The following LAMB4 variants were observed in gnomAD, a reference collection of about 807,000 sequenced individuals.
The protein encoded by LAMB4 is laminin subunit beta 4, also known as laminin subunit beta-4.
A neutral mutation model predicts 199.2 loss-of-function variants in LAMB4; 196 were observed. The observed-to-expected ratio is 0.98, with a 90% CI of 0.88 to 1.11. The LOEUF is 1.11. Among genes scored for constraint, LAMB4 ranks in the 50% least tolerant of loss-of-function variants. The probability of loss-of-function intolerance (pLI) is 0.00; values close to 1 mark genes in which losing one functional copy is unlikely to be tolerated. For missense variants in LAMB4, 2,080 were observed against 2,171.2 expected (o/e 0.96, Z 0.83); for synonymous variants, 744 against 770.6 (o/e 0.97, Z 0.57).
intron 17 of LAMB4, among the ~76,000 whole-genome samples, chr7:108,070,961 T>C (rs1044109079): frequency 2.0e-5 from 3 of 152,174 alleles, no homozygotes; most frequent in Admixed American, 2.0e-4. Flanking sequence ...AATTCCAGGC[T>C]CTCGAGTCTT....
chr7:108,091,439 A>G (rs541338249), intron 14 of LAMB4, among the ~76,000 whole-genome samples, 187 bp downstream of exon 14: 1 of 152,248 alleles, frequency 6.6e-6, no homozygotes. Context: ...AAGATGAACT[A>G]AACAGAGACT....
intron 6 of LAMB4, among the ~76,000 whole-genome samples, chr7:108,106,782 G>A (rs962164204): frequency 2.0e-5 from 3 of 151,918 alleles, no homozygotes; most frequent in Non-Finnish European, 4.4e-5. Flanking sequence ...GCCCAGGCTG[G>A]TCTCGAACTC....
At chr7:108,077,108 C>T (rs757634738) in intron 16 of LAMB4, 44 bp from the exon 17 acceptor site, 3 of 1,598,254 alleles carry the variant, frequency 1.9e-6, no homozygotes, top group East Asian at 4.5e-5. Context: ...CACAGAAATA[C>T]AATTATATTA....
At chr7:108,080,759 G>C (rs2036898984) in intron 14 of LAMB4, among the ~76,000 whole-genome samples, 1 of 151,990 alleles carries the variant, frequency 6.6e-6, no homozygotes, top group East Asian at 1.9e-4. Flanking sequence ...CTGTCAGATT[G>C]GGTTTTAATA....
In LAMB4 at chr7:108,095,429, C is replaced by T. The variant is rs113460257; in HGVS notation, c.1361-92G>A. 4.2e-5 allele frequency: 38 copies of T among 907,398 alleles called. 1 individual carries two copies. The highest frequency in any genetic ancestry group is 4.1e-4 in the South Asian group (28 of 67,772). 56.2% of individuals were successfully genotyped at this position (907,398 alleles called of 1,614,324 possible). ...GCTCACACAAAGCAAGAAGCATAAC[C>T]GCAAGAACACAGAGAAGCCTGCCCT... On this transcript the variant is annotated intron_variant, in intron 11 of 33. Coordinates refer to ENST00000388781, the MANE Select transcript of LAMB4 (RefSeq NM_007356.3).
At chr7:108,049,713 T>C (rs1373349132) in intron 26 of LAMB4, among the ~76,000 whole-genome samples, 182 bp from the exon 27 acceptor site, 3 of 152,176 alleles carry the variant, frequency 2.0e-5, no homozygotes, top group Non-Finnish European at 4.4e-5. Context: ...GTATAATAAA[T>C]ATGGATAGAA....
intron 4 of LAMB4, among the ~76,000 whole-genome samples, chr7:108,110,365 A>C (rs1043452779): frequency 3.5e-4 from 53 of 152,190 alleles, no homozygotes; most frequent in Non-Finnish European, 6.3e-4. Flanking sequence ...ATTTTCTCCC[A>C]AAACTATGTC....
intron 1 of LAMB4, among the ~76,000 whole-genome samples, chr7:108,127,115 T>C (rs940462943): frequency 6.6e-6 from 1 of 151,828 alleles, no homozygotes; most frequent in Non-Finnish European, 1.5e-5. Context: ...TGGATTCCCT[T>C]CTAAGAGAAG....
chr7:108,084,921 T>C (rs1004232477), intron 14 of LAMB4, among the ~76,000 whole-genome samples: 1 of 151,912 alleles, frequency 6.6e-6, no homozygotes, highest in Non-Finnish European at 1.5e-5. Flanking sequence ...TTTTTTATTT[T>C]TTTTGCAGAG....
chr7:108,024,850 G>A (rs1432849323), intron 33 of LAMB4, among the ~76,000 whole-genome samples: 2 of 152,190 alleles, frequency 1.3e-5, no homozygotes, highest in Non-Finnish European at 2.9e-5. Context: ...GACTATATAA[G>A]TGGATACAAG....
At chr7:108,099,246 G>A (rs2037735769) in intron 10 of LAMB4, among the ~76,000 whole-genome samples, 1 of 152,202 alleles carries the variant, frequency 6.6e-6, no homozygotes, top group South Asian at 2.1e-4. Flanking sequence ...TGATGGAAGA[G>A]ATTCTGGAAA....
intron 1 of LAMB4, among the ~76,000 whole-genome samples, chr7:108,124,464 A>C (rs1272552575): frequency 1.3e-5 from 2 of 152,150 alleles, no homozygotes; most frequent in African/African-American, 4.8e-5. Context: ...TAAAGATTGT[A>C]TATATATACA....
In LAMB4 at chr7:108,098,574, A is replaced by T. The variant is rs372265884; in HGVS notation, c.1189T>A (p.Cys397Ser). 26 of 1,597,538 alleles carry T rather than the reference A, an allele frequency of 1.6e-5. No individual in the cohort carries two copies. In the African/African-American group the frequency reaches 3.2e-4, roughly 20 times the overall value. ...CCAGATATGGTCCCATCGGGGTCAC[A>T]TTCACAAGCTGGGGACACAGACATT... ...SDPYACIPCE[C>S]DPDGTISGGI... Residue 397 changes from cysteine (C) to serine (S), a missense_variant, in exon 11 of 34, where the codon TGT becomes AGT. Cys to Ser is a moderately radical substitution (Grantham distance 112). Transcript: ENST00000388781.
In LAMB4 at chr7:108,028,567, C is replaced by T. The variant is rs532649954; in HGVS notation, c.5146+476G>A. 1.0e-4 allele frequency among the ~76,000 whole-genome samples: 15 copies of T among 149,882 alleles called. No individual in the cohort carries two copies. In the East Asian group the frequency reaches 2.6e-3, roughly 26 times the overall value. Reference sequence around the variant, plus strand: ...TCTTGGCTCACTGCAACCTCTGCCTCCCAGGTTCAGGCAATTCTCCTGCCT... The same window carrying T: ...TCTTGGCTCACTGCAACCTCTGCCTTCCAGGTTCAGGCAATTCTCCTGCCT... On this transcript the variant is annotated intron_variant, in intron 33 of 33. Transcript: ENST00000388781.
intron 14 of LAMB4, among the ~76,000 whole-genome samples, chr7:108,084,983 C>T (rs1177962758): frequency 2.6e-5 from 4 of 151,890 alleles, no homozygotes; most frequent in African/African-American, 9.7e-5. Flanking sequence ...AAGTAATCCT[C>T]CCATCTCAGC....
chr7:108,065,937 T>C lies in LAMB4; in HGVS notation c.2679-18A>G, dbSNP rs751076108. 6.2e-7 allele frequency: 1 copy of C among 1,607,428 alleles called. No homozygotes were observed. Among genetic ancestry groups the C allele is most frequent in the South Asian group, 1.1e-5 (1 of 89,872 alleles). On this transcript the variant is annotated intron_variant, in intron 20 of 33. Transcript: ENST00000388781. ...CAATACACCTGTCAAGACAATTTCCTTTCACCAAAATGTTTCCAGGAAAAG... is the reference window on the plus strand; with the variant it reads ...CAATACACCTGTCAAGACAATTTCCCTTCACCAAAATGTTTCCAGGAAAAG...
intron 4 of LAMB4, 137 bp downstream of exon 4, chr7:108,111,674 G>A: frequency 1.5e-6 from 1 of 665,714 alleles, no homozygotes; most frequent in Non-Finnish European, 2.5e-6. Context: ...TTCTTATATG[G>A]GTCTCTACAT....
intron 14 of LAMB4, among the ~76,000 whole-genome samples, chr7:108,081,502 G>A (rs1303776111): frequency 6.6e-6 from 1 of 152,166 alleles, no homozygotes; most frequent in Non-Finnish European, 1.5e-5. Context: ...GAGTATTCCT[G>A]AAGAACATTT....
intron 1 of LAMB4, among the ~76,000 whole-genome samples, chr7:108,128,424 C>T (rs1382839523): frequency 6.6e-6 from 1 of 152,132 alleles, no homozygotes; most frequent in Non-Finnish European, 1.5e-5. Flanking sequence ...GGCCCTACAA[C>T]ATAGAATTAA....
Sources: gnomAD v4.1 joint callset for allele counts (sites outside exome capture counted in the v4.1 genomes callset) on GRCh38, gnomAD v4.1.1 for gene constraint, MANE v1.5 for transcripts, NCBI Gene and HGNC (gene_info 2026-07-23, HGNC 2026-07-21) for gene names.